GARNL3: variants seen among roughly 807,000 people sequenced by gnomAD.
GARNL3 encodes GTPase-activating Rap/Ran-GAP domain-like protein 3.
In GARNL3, 63 loss-of-function variants were observed where a neutral mutation model predicts 125.0. The observed-to-expected ratio is 0.50, with a 90% CI of 0.41 to 0.62. The LOEUF (loss-of-function observed/expected upper bound fraction) is 0.62. Among genes scored for constraint, GARNL3 ranks in the 20% least tolerant of loss-of-function variants. GARNL3 has a pLI of 0.00. For synonymous variants in GARNL3, 439 were observed against 457.5 expected, an observed-to-expected ratio of 0.96 and a Z score of 0.52; for missense variants, 994 against 1,244.0, an observed-to-expected ratio of 0.80 and a Z score of 3.02.
chr9:127,384,239 G>A lies in GARNL3; in HGVS notation c.2269+694G>A, dbSNP rs1257953492. On this transcript the variant is annotated intron_variant, in intron 23 of 27. Transcript: ENST00000373387. The surrounding 1 kb of genome is among the most constrained non-coding windows in gnomAD (Gnocchi z 4.0). ...ACAGGAAAGGGAGATTTTGAACCAC[G>A]TTGCTGGAGGGGCTTGAAAGTCATG... Among the ~76,000 whole-genome samples, 2 of 152,288 alleles carry A rather than the reference G, an allele frequency of 1.3e-5. No homozygotes were observed. Among genetic ancestry groups the A allele is most frequent in the South Asian group, 2.1e-4 (1 of 4,830 alleles).
At chr9:127,320,820 T>C in intron 6 of GARNL3, 42 bp downstream of exon 6, 1 of 1,327,610 alleles carries the variant, frequency 7.5e-7, no homozygotes, top group Non-Finnish European at 1.1e-6. Context: ...CAAAATTGAT[T>C]ACAGTGTTAG....
At chr9:127,377,125 G>T (rs1831959692) in intron 22 of GARNL3, among the ~76,000 whole-genome samples, 1 of 152,144 alleles carries the variant, frequency 6.6e-6, no homozygotes, top group South Asian at 2.1e-4. Flanking sequence ...TGTCATGAAG[G>T]ATGATTATTT....
At chr9:127,270,793 A>G (rs2063805520) in intron 1 of GARNL3, among the ~76,000 whole-genome samples, 1 of 152,228 alleles carries the variant, frequency 6.6e-6, no homozygotes, top group African/African-American at 2.4e-5. Context: ...GGCCTGGCAC[A>G]TACTAAGTTT....
chr9:127,336,623 T>G (rs1306856327), intron 11 of GARNL3, among the ~76,000 whole-genome samples: 1 of 152,256 alleles, frequency 6.6e-6, no homozygotes, highest in African/African-American at 2.4e-5. Flanking sequence ...TAATTTTTCT[T>G]GTTGATTTAA....
chr9:127,387,390 T>G, intron 25 of GARNL3, 59 bp downstream of exon 25: 1 of 1,469,094 alleles, frequency 6.8e-7, no homozygotes, highest in Admixed American at 1.9e-5. Flanking sequence ...TTTCTCTAGT[T>G]TGTTGTCTAA....
intron 2 of GARNL3, among the ~76,000 whole-genome samples, chr9:127,303,320 G>A (rs2064855694): frequency 6.6e-6 from 1 of 152,038 alleles, no homozygotes; most frequent in African/African-American, 2.4e-5. Flanking sequence ...GTATGTGAAT[G>A]TGTGATATGT....
At position 127,280,540 on chromosome 9, in the gene GARNL3, C is replaced by T. The variant is rs1280393703; in HGVS notation, c.145-10628C>T. On this transcript the variant is annotated intron_variant, in intron 1 of 27. Coordinates refer to ENST00000373387, the MANE Select transcript of GARNL3 (RefSeq NM_032293.5). The surrounding 1 kb of genome is among the most constrained non-coding windows in gnomAD (Gnocchi z 4.5). The stretch of plus-strand genomic sequence containing the variant: ...ATAATTACCACAGATTTGTTCTGTT[C>T]CAAGCAACAAAGCCAGACACCAAAT... 1.3e-5 allele frequency among the ~76,000 whole-genome samples: 2 copies of T among 152,192 alleles called. No homozygotes were observed. The highest frequency in any genetic ancestry group is 2.9e-5 in the Non-Finnish European group (2 of 68,040).
chr9:127,283,393 G>A (rs1415272420), intron 1 of GARNL3, among the ~76,000 whole-genome samples: 1 of 152,192 alleles, frequency 6.6e-6, no homozygotes. Context: ...AATCTAGGCT[G>A]GGCACAGTGG....
intron 7 of GARNL3, among the ~76,000 whole-genome samples, 162 bp from the exon 8 acceptor site, chr9:127,332,112 T>A (rs1473958147): frequency 2.0e-5 from 3 of 152,332 alleles, no homozygotes; most frequent in East Asian, 1.9e-4. Context: ...AAGGAATGAT[T>A]GTTGTTAACA....
At chr9:127,387,651 G>A (rs1832614164) in intron 25 of GARNL3, among the ~76,000 whole-genome samples, 1 of 151,162 alleles carries the variant, frequency 6.6e-6, no homozygotes, top group Non-Finnish European at 1.5e-5. Context: ...GCTGAGGCAG[G>A]AGAATCACTT....
intron 2 of GARNL3, among the ~76,000 whole-genome samples, chr9:127,311,248 A>G (rs955532290): frequency 1.4e-5 from 2 of 145,906 alleles, no homozygotes; most frequent in African/African-American, 4.9e-5. Flanking sequence ...AAAAAAAAAC[A>G]GAAAAAACCT....
intron 1 of GARNL3, among the ~76,000 whole-genome samples, chr9:127,277,880 A>G (rs1034461674): frequency 7.2e-5 from 11 of 152,120 alleles, no homozygotes; most frequent in African/African-American, 2.7e-4. Context: ...GGTACCTGTC[A>G]TATTTTACAT....
chr9:127,393,094 G>T lies in GARNL3; in HGVS notation c.2882G>T (p.Gly961Val). 1 of 1,602,172 alleles carries T rather than the reference G, an allele frequency of 6.2e-7. No homozygotes were observed. The highest frequency in any genetic ancestry group is 8.5e-7 in the Non-Finnish European group (1 of 1,170,086). The stretch of plus-strand genomic sequence containing the variant: ...CTTTTCTCTTCTAGGATCCCATCAG[G>T]CTCCTTGGAAAGTGCTTCTACTTCC... ...RSSSSDRIPS[G>V]SLESASTSEA... Residue 961 changes from glycine to valine, a missense_variant, in exon 28 of 28, where the codon GGC becomes GTC. This residue lies in a region of GARNL3 where 728 missense variants were observed against 865.7 expected (regional missense o/e 0.84). Coordinates refer to ENST00000373387, the MANE Select transcript of GARNL3 (RefSeq NM_032293.5).
At chr9:127,286,272 T>C (rs1015233561) in intron 1 of GARNL3, among the ~76,000 whole-genome samples, 10 of 152,174 alleles carry the variant, frequency 6.6e-5, no homozygotes, top group Non-Finnish European at 1.5e-5. Context: ...TTTGGAGGGG[T>C]AAGATCTCAG....
intron 22 of GARNL3, among the ~76,000 whole-genome samples, chr9:127,377,673 G>T (rs574530154): frequency 1.3e-5 from 2 of 151,896 alleles, no homozygotes; most frequent in African/African-American, 4.8e-5. Flanking sequence ...TGTAATCCCA[G>T]CTACTTGGGA....
chr9:127,354,222 T>C, intron 18 of GARNL3, 72 bp from the exon 19 acceptor site: 1 of 1,098,138 alleles, frequency 9.1e-7, no homozygotes, highest in Non-Finnish European at 1.4e-6. Flanking sequence ...CTACACAGTC[T>C]GCCCCTGGAG....
intron 14 of GARNL3, among the ~76,000 whole-genome samples, chr9:127,343,924 C>T (rs1830001331): frequency 6.6e-6 from 1 of 152,122 alleles, no homozygotes; most frequent in Admixed American, 6.5e-5. Context: ...AGATTGGCAT[C>T]CCAGAGCTGT....
chr9:127,259,074 T>G (rs1447383814), upstream of GARNL3, among the ~76,000 whole-genome samples: 1 of 152,214 alleles, frequency 6.6e-6, no homozygotes, highest in Non-Finnish European at 1.5e-5. Flanking sequence ...AGCACTAATC[T>G]CAGTGTCAGT....
chr9:127,342,159 A>G (rs1053823745), intron 13 of GARNL3, 60 bp from the exon 14 acceptor site: 4 of 1,060,076 alleles, frequency 3.8e-6, no homozygotes, highest in African/African-American at 3.1e-5. Flanking sequence ...CATAGTTTCA[A>G]TTCTTGTGTG....
Sources: gnomAD v4.1 joint callset for allele counts (sites outside exome capture counted in the v4.1 genomes callset) on GRCh38, gnomAD v4.1.1 for gene constraint, gnomAD v4.1.1 regional missense constraint, Gnocchi (gnomAD v3.1) non-coding constraint, MANE v1.5 for transcripts, NCBI Gene and HGNC (gene_info 2026-07-23, HGNC 2026-07-21) for gene names.